LRRK1: variants seen among roughly 807,000 people sequenced by gnomAD.
The protein encoded by LRRK1 is leucine-rich repeat serine/threonine-protein kinase 1.
LRRK1 carries 113 observed loss-of-function variants against 209.1 expected under a neutral mutation model. The ratio of observed to expected loss-of-function variants is 0.54; its 90% CI spans 0.46 to 0.63. The LOEUF is 0.63. LRRK1 is among the 30% of genes least tolerant of loss of function. The pLI is 0.00. For synonymous variants in LRRK1, 1,144 were observed against 1,099.7 expected, an observed-to-expected ratio of 1.04 and a Z score of -0.80; for missense variants, 2,284 against 2,632.2, an observed-to-expected ratio of 0.87 and a Z score of 2.89.
At chr15:100,926,264 G>A (rs774191095) in intron 2 of LRRK1, among the ~76,000 whole-genome samples, 6 of 121,760 alleles carry the variant, frequency 4.9e-5, no homozygotes, top group Non-Finnish European at 1.1e-4. Flanking sequence ...GTGTGAGATC[G>A]AGGTGGCGTG....
intron 6 of LRRK1, 158 bp downstream of exon 6, chr15:100,989,556 C>T: frequency 2.8e-6 from 2 of 715,428 alleles, no homozygotes; most frequent in Non-Finnish European, 4.6e-6. Flanking sequence ...CTGGTGAGGG[C>T]CTTCATGCAG....
chr15:101,012,905 G>A (rs530159457), intron 10 of LRRK1, among the ~76,000 whole-genome samples: 4 of 152,258 alleles, frequency 2.6e-5, no homozygotes, highest in South Asian at 4.1e-4. Context: ...GCCCCCGGGG[G>A]GGGGTGGTCC....
intron 20 of LRRK1, among the ~76,000 whole-genome samples, chr15:101,036,412 C>A (rs1244836310): frequency 6.6e-6 from 1 of 152,020 alleles, no homozygotes; most frequent in Non-Finnish European, 1.5e-5. Context: ...TTTTATATTT[C>A]ACTCAATGAA....
intron 15 of LRRK1, among the ~76,000 whole-genome samples, chr15:101,023,844 A>G (rs996436641): frequency 6.6e-6 from 1 of 152,222 alleles, no homozygotes; most frequent in African/African-American, 2.4e-5. Flanking sequence ...AATCAACGCT[A>G]GGCCAATCCT....
Position 101,069,613 on chromosome 15 carries a change from T to C in LRRK1, c.*765T>C, listed in dbSNP as rs1000082001. On this transcript the variant is annotated 3_prime_UTR_variant, in exon 34 of 34. Coordinates refer to ENST00000388948, the MANE Select transcript of LRRK1 (RefSeq NM_024652.6). ...GACTTCAGAAAGGGCCTTGTGTTTA[T>C]AGCTTTGTCAAGTAAATTTGGACGC... The C allele has an allele frequency of 3.9e-5, 6 of 152,684 alleles. No individual in the cohort carries two copies. Among genetic ancestry groups the C allele is most frequent in the African/African-American group, 1.2e-4 (5 of 41,466 alleles). 9.5% of individuals were successfully genotyped at this position (152,684 alleles called of 1,614,324 possible).
chr15:100,959,910 C>G (rs779520521), intron 2 of LRRK1, among the ~76,000 whole-genome samples: 21 of 152,088 alleles, frequency 1.4e-4, no homozygotes, highest in Non-Finnish European at 2.6e-4. Context: ...TTGGAAAACT[C>G]TCGGTGCCTC....
chr15:101,031,947 G>A (rs562857154), intron 20 of LRRK1, among the ~76,000 whole-genome samples: 9 of 152,270 alleles, frequency 5.9e-5, no homozygotes, highest in African/African-American at 1.4e-4. Flanking sequence ...TGTTATCCAG[G>A]ATGGTCTCGA....
intron 2 of LRRK1, among the ~76,000 whole-genome samples, chr15:100,957,926 C>T (rs1421357999): frequency 2.6e-5 from 4 of 152,166 alleles, no homozygotes; most frequent in East Asian, 3.9e-4. Context: ...AGTGCAGTGG[C>T]GTGATCTCTG....
chr15:100,989,571 A>G (rs1006301402), intron 6 of LRRK1, 173 bp downstream of exon 6: 1 of 655,008 alleles, frequency 1.5e-6, no homozygotes, highest in Non-Finnish European at 2.6e-6. Context: ...ATGCAGTGAT[A>G]TGAAGGTGGA....
Position 101,075,104 on chromosome 15 carries a change from T to G in LRRK1, c.*6256T>G, listed in dbSNP as rs2036936568. ...ACAGTGGAAGGTAAACCCGTCCCCT[T>G]CTTAATCAATACGGAGGCTACCCAC... is the stretch of plus-strand genomic sequence containing the variant. On this transcript the variant is annotated 3_prime_UTR_variant, in exon 34 of 34. Coordinates refer to ENST00000388948, the MANE Select transcript of LRRK1 (RefSeq NM_024652.6). 1 of 70,922 alleles carries G rather than the reference T, an allele frequency of 1.4e-5. No homozygotes were observed. Among genetic ancestry groups the G allele is most frequent in the South Asian group, 4.4e-4 (1 of 2,250 alleles). 4.4% of individuals were successfully genotyped at this position (70,922 alleles called of 1,614,324 possible).
chr15:100,971,221 C>A (rs1000853026), intron 2 of LRRK1, among the ~76,000 whole-genome samples: 2 of 151,772 alleles, frequency 1.3e-5, no homozygotes, highest in Admixed American at 1.3e-4. Context: ...GTAATCCCAG[C>A]TACTCAGGAG....
chr15:100,928,174 G>A (rs952698913), intron 2 of LRRK1, among the ~76,000 whole-genome samples: 2 of 152,178 alleles, frequency 1.3e-5, no homozygotes, highest in Admixed American at 1.3e-4. Context: ...GTTTATTTAA[G>A]TACTGATGAT....
intron 20 of LRRK1, among the ~76,000 whole-genome samples, chr15:101,034,565 AAT>A (rs1181545559): frequency 1.3e-5 from 2 of 151,996 alleles, no homozygotes; most frequent in Non-Finnish European, 2.9e-5. Flanking sequence ...GTTGACTGTA[AAT>A]ATGTGGATTT....
At chr15:100,927,779 A>G (rs1221000349) in intron 2 of LRRK1, among the ~76,000 whole-genome samples, 3 of 152,228 alleles carry the variant, frequency 2.0e-5, no homozygotes, top group Non-Finnish European at 4.4e-5. Flanking sequence ...ATTTATACCC[A>G]TACTCAGAGT....
rs181050200 is a variant in LRRK1 at position 100,950,919 on chromosome 15, C to T, written c.98-22885C>T. 3.3e-3 allele frequency among the ~76,000 whole-genome samples: 501 copies of T among 152,160 alleles called. 3 individuals carry two copies. Among genetic ancestry groups the T allele is most frequent in the African/African-American group, 6.9e-3 (288 of 41,520 alleles). On this transcript the variant is annotated intron_variant, in intron 2 of 33. Transcript: ENST00000388948. ...GAGATCGAGACCATCCTGGCTAACA[C>T]GGTGAAACGCCATCTCTACTAAAAA...
At chr15:101,021,775 C>T (rs531772570) in intron 13 of LRRK1, 70 bp from the exon 14 acceptor site, 71 of 857,032 alleles carry the variant, frequency 8.3e-5, no homozygotes, top group African/African-American at 1.7e-4. Context: ...CACGTGTGTG[C>T]GTGTGTGTGT....
chr15:100,948,797 C>T (rs1249739622), intron 2 of LRRK1, among the ~76,000 whole-genome samples: 2 of 151,818 alleles, frequency 1.3e-5, no homozygotes, highest in African/African-American at 2.4e-5. Flanking sequence ...GAAGAAATCA[C>T]AAAAAAACAG....
intron 26 of LRRK1, among the ~76,000 whole-genome samples, chr15:101,054,178 T>C (rs928766079): frequency 6.6e-6 from 1 of 152,174 alleles, no homozygotes; most frequent in African/African-American, 2.4e-5. Context: ...TTTCACCCTG[T>C]TGCCCAGGTC....
At chr15:100,993,690 A>G (rs1234312258) in intron 6 of LRRK1, among the ~76,000 whole-genome samples, 1 of 152,192 alleles carries the variant, frequency 6.6e-6, no homozygotes, top group Non-Finnish European at 1.5e-5. Context: ...TCTTGTAAAC[A>G]GCATTTGGTT....
Sources: allele counts gnomAD v4.1 joint callset (sites outside exome capture counted in the v4.1 genomes callset), GRCh38; gene constraint gnomAD v4.1.1; transcripts MANE v1.5; gene names NCBI Gene and HGNC (gene_info 2026-07-23, HGNC 2026-07-21).